Variants in LRRIQ1 observed in about 807,000 individuals in gnomAD.
LRRIQ1 encodes leucine-rich repeat- and IQ domain-containing protein 1.
A neutral mutation model predicts 211.9 loss-of-function variants in LRRIQ1; 210 were observed. The ratio of observed to expected loss-of-function variants is 0.99; its 90% CI spans 0.89 to 1.11. The LOEUF is 1.11. Ranked by LOEUF, LRRIQ1 falls within the 50% of genes most tolerant of loss-of-function variation. The pLI, the probability that LRRIQ1 is intolerant of heterozygous loss-of-function variation, is 0.00. For missense variants in LRRIQ1, 2,136 were observed against 1,939.5 expected (o/e 1.10, Z -1.90); for synonymous variants, 699 against 650.1 (o/e 1.08, Z -1.14).
chr12:85,209,132 C>T (rs991967978), intron 24 of LRRIQ1, among the ~76,000 whole-genome samples: 14 of 152,272 alleles, frequency 9.2e-5, no homozygotes, highest in Non-Finnish European at 1.8e-4. Flanking sequence ...TTTTCTCAAT[C>T]TCATTTGAAA....
chr12:85,131,029 G>A (rs1888713933), intron 18 of LRRIQ1, among the ~76,000 whole-genome samples: 1 of 148,376 alleles, frequency 6.7e-6, no homozygotes, highest in South Asian at 2.1e-4. Flanking sequence ...GGCCAACGTG[G>A]TGAAACCTTC....
chr12:85,252,103 T>C (rs979210486), intron 1 of LRRIQ1, among the ~76,000 whole-genome samples: 27 of 152,036 alleles, frequency 1.8e-4, no homozygotes, highest in African/African-American at 4.8e-4. Flanking sequence ...GACTACATTA[T>C]ATGTGAGATA....
intron 18 of LRRIQ1, among the ~76,000 whole-genome samples, chr12:85,131,869 A>C (rs1230307516): frequency 6.6e-6 from 1 of 152,186 alleles, no homozygotes; most frequent in Non-Finnish European, 1.5e-5. Flanking sequence ...TACTAGGATA[A>C]AAATGTGACT....
intron 11 of LRRIQ1, among the ~76,000 whole-genome samples, chr12:85,097,464 T>A (rs1885985023): frequency 6.6e-6 from 1 of 150,888 alleles, no homozygotes. Context: ...TGTGTCCAAG[T>A]GTTCTCATTG....
intron 8 of LRRIQ1, 24 bp downstream of exon 8, chr12:85,057,208 T>G: frequency 7.4e-7 from 1 of 1,358,462 alleles, no homozygotes; most frequent in Non-Finnish European, 9.8e-7. Context: ...TATAATAATT[T>G]TTCACATTTA....
chr12:85,104,094 A>T lies in LRRIQ1; in HGVS notation c.3283+17A>T. 1 of 1,303,212 alleles carries T rather than the reference A, an allele frequency of 7.7e-7. No individual in the cohort carries two copies. Among genetic ancestry groups the T allele is most frequent in the Non-Finnish European group, 1.0e-6 (1 of 978,434 alleles). The allele number at this position is 1,303,212 out of a possible 1,614,324, so 80.7% of individuals were successfully genotyped here. ...GTCTTTCTGGTAAGTTTAGCATAATATATATATTTTAATAATAGACTTTTG... is the reference window on the plus strand; with the variant it reads ...GTCTTTCTGGTAAGTTTAGCATAATTTATATATTTTAATAATAGACTTTTG... On this transcript the variant is annotated intron_variant, in intron 14 of 26. Transcript: ENST00000393217.
At chr12:85,123,114 A>G (rs1025325030) in intron 16 of LRRIQ1, among the ~76,000 whole-genome samples, 6 of 151,576 alleles carry the variant, frequency 4.0e-5, no homozygotes, top group Non-Finnish European at 7.4e-5. Flanking sequence ...TTGCATTATT[A>G]GCCAATGAAA....
intron 11 of LRRIQ1, 60 bp from the exon 12 acceptor site, chr12:85,098,295 T>A: frequency 8.7e-7 from 1 of 1,154,734 alleles, no homozygotes; most frequent in Non-Finnish European, 1.2e-6. Context: ...AAATGGAAAC[T>A]TTCTTCTAGA....
At chr12:85,158,991 ACTATGTTTCTT>A (rs1398039626) in intron 23 of LRRIQ1, among the ~76,000 whole-genome samples, 3 of 151,886 alleles carry the variant, frequency 2.0e-5, no homozygotes, top group African/African-American at 7.2e-5. Context: ...ATCTAAAAGT[ACTATGTTTCTT>A]ACTTCTTATA....
chr12:85,127,803 G>C (rs1888470764), intron 17 of LRRIQ1, 29 bp from the exon 18 acceptor site: 1 of 1,580,716 alleles, frequency 6.3e-7, no homozygotes, highest in East Asian at 2.2e-5. Context: ...AATAAAAAAA[G>C]TGTGTGTTTT....
At chr12:85,199,120 G>A (rs543443313) in intron 24 of LRRIQ1, among the ~76,000 whole-genome samples, 2 of 151,994 alleles carry the variant, frequency 1.3e-5, no homozygotes, top group Middle Eastern at 3.4e-3. Context: ...GTTTAATTAG[G>A]CCCCATTTAT....
downstream of LRRIQ1, among the ~76,000 whole-genome samples, chr12:85,268,402 G>A (rs1178566736): frequency 6.6e-6 from 1 of 151,888 alleles, no homozygotes; most frequent in Non-Finnish European, 1.5e-5. Context: ...CTTATGCAAT[G>A]CTCTATACTC....
At chr12:85,232,617 C>CT in intron 25 of LRRIQ1, 79 bp from the exon 26 acceptor site, 1 of 1,153,958 alleles carries the variant, frequency 8.7e-7, no homozygotes, top group East Asian at 2.5e-5. Flanking sequence ...TTCTCTCAAG[C>CT]TTTTTAGTTG....
intron 24 of LRRIQ1, among the ~76,000 whole-genome samples, chr12:85,195,574 C>A (rs894729612): frequency 1.3e-5 from 2 of 151,970 alleles, no homozygotes; most frequent in African/African-American, 4.8e-5. Flanking sequence ...AAGACAAAAA[C>A]CACATGATTA....
intron 12 of LRRIQ1, 133 bp downstream of exon 12, chr12:85,098,681 G>A (rs1258267642): frequency 6.4e-6 from 5 of 783,348 alleles, no homozygotes; most frequent in Non-Finnish European, 7.7e-6. Context: ...CCTTTATCAA[G>A]AATATTAAAT....
intron 19 of LRRIQ1, among the ~76,000 whole-genome samples, chr12:85,142,148 CT>C (rs1381714204): frequency 6.6e-5 from 10 of 151,370 alleles, no homozygotes; most frequent in Admixed American, 3.3e-4. Context: ...TCCATAGTTC[CT>C]GTTGAAAAGT....
At chr12:85,266,782 G>C (rs1208185871), downstream of LRRIQ1, among the ~76,000 whole-genome samples, 1 of 152,128 alleles carries the variant, frequency 6.6e-6, no homozygotes, top group Non-Finnish European at 1.5e-5. Context: ...TTACTTGCTA[G>C]TAGTCTTTGC....
intron 24 of LRRIQ1, among the ~76,000 whole-genome samples, chr12:85,194,733 A>G (rs1459243539): frequency 6.6e-6 from 1 of 152,156 alleles, no homozygotes; most frequent in Non-Finnish European, 1.5e-5. Context: ...AAGATCCAAA[A>G]TTGACACCCT....
intron 18 of LRRIQ1, among the ~76,000 whole-genome samples, chr12:85,132,759 C>T (rs1216492583): frequency 6.7e-6 from 1 of 150,148 alleles, no homozygotes; most frequent in African/African-American, 2.5e-5. Context: ...GAGACCCTGT[C>T]TCAAAAAAAT....
Sources: allele counts gnomAD v4.1 joint callset (sites outside exome capture counted in the v4.1 genomes callset), GRCh38; gene constraint gnomAD v4.1.1; transcripts MANE v1.5; gene names NCBI Gene and HGNC (gene_info 2026-07-23, HGNC 2026-07-21).